CPNE5: variants seen among roughly 807,000 people sequenced by gnomAD.
The protein encoded by CPNE5 is copine 5, also known as copine-5.
A neutral mutation model predicts 81.1 loss-of-function variants in CPNE5; 42 were observed. That is an observed-to-expected ratio of 0.52 (90% CI 0.40 to 0.67). CPNE5 has a LOEUF of 0.67. Among genes scored for constraint, CPNE5 ranks in the 30% least tolerant of loss-of-function variants. The pLI is 0.00. For missense variants in CPNE5, 612 were observed against 815.5 expected (o/e 0.75, Z 3.04); for synonymous variants, 313 against 321.5 (o/e 0.97, Z 0.28).
rs370232732 is a variant in CPNE5 at position 36,802,798 on chromosome 6, C to G, written c.184-2728G>C. ...GGTGCGGTGGCTAACACCTGTAATCCCAGCACTTTGGGAGGCTGAGGCGGG... is the reference window on the plus strand; with the variant it reads ...GGTGCGGTGGCTAACACCTGTAATCGCAGCACTTTGGGAGGCTGAGGCGGG... On this transcript the variant is annotated intron_variant, in intron 3 of 20. Coordinates refer to ENST00000244751, the MANE Select transcript of CPNE5 (RefSeq NM_020939.2). Among the ~76,000 whole-genome samples the G allele has an allele frequency of 3.3e-5, 5 of 152,128 alleles. No individual in the cohort carries two copies. In the South Asian group the frequency reaches 8.3e-4, roughly 25 times the overall value.
chr6:36,817,866 A>C (rs1185476153), intron 3 of CPNE5, among the ~76,000 whole-genome samples: 1 of 151,030 alleles, frequency 6.6e-6, no homozygotes, highest in Non-Finnish European at 1.5e-5. Flanking sequence ...AGAAACCAGG[A>C]CTCCCCTTCC....
chr6:36,744,988 C>T (rs535991299), intron 18 of CPNE5, 60 bp downstream of exon 18: 2 of 1,218,174 alleles, frequency 1.6e-6, no homozygotes, highest in East Asian at 2.3e-5. Flanking sequence ...CCCAGGGTTC[C>T]CCTAACGGGG....
At chr6:36,805,558 A>T (rs1215948099) in intron 3 of CPNE5, among the ~76,000 whole-genome samples, 2 of 152,198 alleles carry the variant, frequency 1.3e-5, no homozygotes, top group African/African-American at 2.4e-5. Context: ...ATTGTTAGGG[A>T]AGGTGCGCAA....
At chr6:36,769,963 C>G (rs941343794) in intron 10 of CPNE5, among the ~76,000 whole-genome samples, 3 of 152,234 alleles carry the variant, frequency 2.0e-5, no homozygotes, top group African/African-American at 7.2e-5. Context: ...CTCTTAAAAT[C>G]TACTCATTCA....
intron 14 of CPNE5, chr6:36,752,738 C>T (rs1031029043): frequency 2.4e-5 from 6 of 250,536 alleles, no homozygotes; most frequent in Non-Finnish European, 7.7e-6. Context: ...AAGCCCTTGG[C>T]TTTCTGTCAC....
At position 36,796,472 on chromosome 6, in the gene CPNE5, A is replaced by G. The variant is rs540820985; in HGVS notation, c.404+1693T>C. On this transcript the variant is annotated intron_variant, in intron 6 of 20. Coordinates refer to ENST00000244751, the MANE Select transcript of CPNE5 (RefSeq NM_020939.2). Reference sequence around the variant, plus strand: ...ACACCCTCCCTCATAGGGCATCTCCATCCTGGCAACCCAGGTAAAGCCACG... The same window carrying G: ...ACACCCTCCCTCATAGGGCATCTCCGTCCTGGCAACCCAGGTAAAGCCACG... 2.8e-3 allele frequency among the ~76,000 whole-genome samples: 428 copies of G among 152,170 alleles called. 4 individuals carry two copies. Among genetic ancestry groups the G allele is most frequent in the African/African-American group, 9.4e-3 (391 of 41,522 alleles).
Position 36,836,581 on chromosome 6 carries a change from C to T in CPNE5, c.95+2702G>A, listed in dbSNP as rs139483653. On this transcript the variant is annotated intron_variant, in intron 1 of 20. Coordinates refer to ENST00000244751, the MANE Select transcript of CPNE5 (RefSeq NM_020939.2). ...TCTGGGCCCACCAGCAGGTGTCACT[C>T]AGATGCCCAGGGCAGAGCCTCCCCA... is the stretch of plus-strand genomic sequence containing the variant. Among the ~76,000 whole-genome samples the T allele has an allele frequency of 4.2e-3, 647 of 152,326 alleles. 6 individuals carry two copies. Among genetic ancestry groups the T allele is most frequent in the African/African-American group, 0.013 (553 of 41,562 alleles).
chr6:36,748,054 C>T (rs1764378216), intron 15 of CPNE5, among the ~76,000 whole-genome samples, 167 bp downstream of exon 15: 2 of 152,222 alleles, frequency 1.3e-5, no homozygotes, highest in African/African-American at 4.8e-5. Flanking sequence ...CCTGGGGATA[C>T]TACTGCCATC....
intron 8 of CPNE5, among the ~76,000 whole-genome samples, chr6:36,780,904 C>T (rs537130530): frequency 1.3e-5 from 2 of 152,296 alleles, no homozygotes; most frequent in South Asian, 2.1e-4. Context: ...GGTGACCTGA[C>T]CGAGATCACC....
Position 36,792,060 on chromosome 6 carries a change from C to G in CPNE5, c.501G>C (p.Leu167=), listed in dbSNP as rs767560967. The change falls in exon 8 of 21, where the codon CTG becomes CTC. Residue 167 remains leucine (L), a synonymous_variant. Coordinates refer to ENST00000244751, the MANE Select transcript of CPNE5 (RefSeq NM_020939.2). ...TACAGTTGCTGAGCTCCTCAGCGGA[C>G]AGGATGATGGTGCCACATTTCTTTC... ...VPGKKCGTII[L]SAEELSNCRD... 1 of 1,614,086 alleles carries G rather than the reference C, an allele frequency of 6.2e-7. No homozygotes were observed. The highest frequency in any genetic ancestry group is 8.5e-7 in the Non-Finnish European group (1 of 1,180,000).
chr6:36,765,319 C>T lies in CPNE5; in HGVS notation c.779+16G>A, dbSNP rs535765918. On this transcript the variant is annotated intron_variant, in intron 11 of 20. Transcript: ENST00000244751. ...TCCCCACTCACCTTCTCGCCCCTGC[C>T]CTCCTGCCTGCTTACCTGCCGTCCC... is the stretch of plus-strand genomic sequence containing the variant. The T allele has an allele frequency of 9.9e-6, 16 of 1,613,834 alleles. No homozygotes were observed. In the South Asian group the frequency reaches 1.5e-4, roughly 16 times the overall value.
intron 3 of CPNE5, among the ~76,000 whole-genome samples, chr6:36,821,321 G>A (rs144034087): frequency 1.2e-4 from 18 of 152,248 alleles, no homozygotes; most frequent in East Asian, 5.8e-4. Context: ...TGGGGGGACT[G>A]GGAGGCCATG....
intron 11 of CPNE5, among the ~76,000 whole-genome samples, chr6:36,764,845 G>T (rs922377755): frequency 4.6e-5 from 7 of 152,164 alleles, no homozygotes; most frequent in Non-Finnish European, 1.0e-4. Flanking sequence ...GGGCTGTACG[G>T]GTACAATTGG....
intron 9 of CPNE5, 134 bp downstream of exon 9, chr6:36,778,720 A>C: frequency 1.5e-6 from 1 of 666,890 alleles, no homozygotes; most frequent in Non-Finnish European, 2.7e-6. Flanking sequence ...ACTTCCACCC[A>C]GAGCCCTTGC....
chr6:36,793,270 G>A (rs1561791991), intron 7 of CPNE5, among the ~76,000 whole-genome samples: 1 of 152,122 alleles, frequency 6.6e-6, no homozygotes, highest in Non-Finnish European at 1.5e-5. Context: ...GGGCTGGCAG[G>A]ACAGCCCAGA....
intron 7 of CPNE5, among the ~76,000 whole-genome samples, chr6:36,793,887 GC>G (rs1045915975): frequency 1.2e-4 from 19 of 152,148 alleles, no homozygotes; most frequent in African/African-American, 4.6e-4. Context: ...GAGGTTCCCT[GC>G]CCTGCACACC....
intron 19 of CPNE5, 104 bp downstream of exon 19, chr6:36,744,164 G>A: frequency 1.1e-6 from 1 of 945,550 alleles, no homozygotes; most frequent in Non-Finnish European, 1.7e-6. Flanking sequence ...TCTTTTGGGA[G>A]GGGTCATTCC....
At chr6:36,782,816 A>AAC (rs3997726) in intron 8 of CPNE5, among the ~76,000 whole-genome samples, 16,207 of 126,052 alleles carry the variant, frequency 0.13, 983 homozygotes, top group Middle Eastern at 0.13. Flanking sequence ...CAAAAACCAA[A>AAC]ACACACACAC....
In CPNE5 at chr6:36,832,178, T is replaced by C. The variant is rs143776337; in HGVS notation, c.95+7105A>G. Among the ~76,000 whole-genome samples, 609 of 152,306 alleles carry C rather than the reference T, an allele frequency of 4.0e-3. 3 individuals carry two copies. Among genetic ancestry groups the C allele is most frequent in the African/African-American group, 0.014 (579 of 41,560 alleles). On this transcript the variant is annotated intron_variant, in intron 1 of 20. Coordinates refer to ENST00000244751, the MANE Select transcript of CPNE5 (RefSeq NM_020939.2). ...AACACTGTCCACTGTCCATTGACCGTAGGAAAATCTGAGGAGCAGGCCTCA... is the reference window on the plus strand; with the variant it reads ...AACACTGTCCACTGTCCATTGACCGCAGGAAAATCTGAGGAGCAGGCCTCA...
Sources: gnomAD v4.1 joint callset for allele counts (sites outside exome capture counted in the v4.1 genomes callset) on GRCh38, gnomAD v4.1.1 for gene constraint, MANE v1.5 for transcripts, NCBI Gene and HGNC (gene_info 2026-07-23, HGNC 2026-07-21) for gene names.